Variants in FBXW10B observed in about 807,000 individuals in gnomAD.
FBXW10B encodes F-box and WD repeat domain containing protein 10B.
At chr17:15,607,589 C>T in the FBXW10B span, 50 of 1,613,440 alleles carry the variant, frequency 3.1e-5, no homozygotes, top group East Asian at 7.4e-4. Context: ...AGAGAGAATG[C>T]GAACATTGTA....
the FBXW10B span, chr17:15,588,723 A>C: frequency 1.4e-6 from 1 of 725,336 alleles, no homozygotes; most frequent in Non-Finnish European, 2.4e-6. Flanking sequence ...CCCCATATCC[A>C]GGAATCAGCC....
chr17:15,572,476 T>C, the FBXW10B span: 2 of 152,248 alleles, frequency 1.3e-5, no homozygotes, highest in African/African-American at 2.4e-5. Flanking sequence ...GATGTTACAC[T>C]CTGTGCTAAA....
the FBXW10B span, among the ~76,000 whole-genome samples, chr17:15,602,304 T>C: frequency 6.6e-6 from 1 of 152,090 alleles, no homozygotes; most frequent in African/African-American, 2.4e-5. Flanking sequence ...AATTTCCATG[T>C]GATAAAGATA....
the FBXW10B span, among the ~76,000 whole-genome samples, chr17:15,606,347 G>A: frequency 3.5e-5 from 5 of 143,604 alleles, no homozygotes; most frequent in East Asian, 2.1e-4. Flanking sequence ...ACCAGAGAAC[G>A]AAACCCCGTC....
the FBXW10B span, among the ~76,000 whole-genome samples, chr17:15,608,039 G>A: frequency 1.3e-5 from 2 of 151,486 alleles, no homozygotes; most frequent in African/African-American, 2.4e-5. Context: ...CCCTTTGACC[G>A]ACCATTTCAC....
the FBXW10B span, among the ~76,000 whole-genome samples, chr17:15,609,798 T>A: frequency 1.3e-5 from 2 of 151,582 alleles, no homozygotes; most frequent in African/African-American, 2.4e-5. Context: ...GTGTTCTCCA[T>A]ACTGTTTCAC....
At chr17:15,610,643 T>C in the FBXW10B span, among the ~76,000 whole-genome samples, 12 of 152,278 alleles carry the variant, frequency 7.9e-5, no homozygotes, top group South Asian at 2.1e-3. Flanking sequence ...TTAGAAGAGA[T>C]TTCCTTGAAA....
At chr17:15,588,575 A>G in the FBXW10B span, 1 of 347,242 alleles carries the variant, frequency 2.9e-6, no homozygotes, top group Admixed American at 4.0e-5. Flanking sequence ...AGGAAGGGAC[A>G]GAACCTATAT....
chr17:15,590,098 C>A, the FBXW10B span, among the ~76,000 whole-genome samples: 1 of 150,616 alleles, frequency 6.6e-6, no homozygotes, highest in East Asian at 2.0e-4. Context: ...GGGAGCCCGA[C>A]CCCACCGCTC....
At chr17:15,619,276 G>A in the FBXW10B span, 3 of 1,613,754 alleles carry the variant, frequency 1.9e-6, no homozygotes, top group Non-Finnish European at 2.5e-6. Flanking sequence ...TTCCCTGTGT[G>A]GTCTGAAGGA....
At chr17:15,568,448 T>C in the FBXW10B span, among the ~76,000 whole-genome samples, 1 of 152,176 alleles carries the variant, frequency 6.6e-6, no homozygotes, top group Non-Finnish European at 1.5e-5. Context: ...AAGGATTACT[T>C]CTCAGGGAAT....
At chr17:15,596,368 G>A in the FBXW10B span, 3 of 1,204,004 alleles carry the variant, frequency 2.5e-6, no homozygotes, top group East Asian at 2.5e-5. Flanking sequence ...GCCTCACTTT[G>A]GGGCCTTCCC....
At chr17:15,569,455 C>CTTTTTTTTTTTTTTTTTTTTTTTTTTT in the FBXW10B span, among the ~76,000 whole-genome samples, 4 of 59,192 alleles carry the variant, frequency 6.8e-5, no homozygotes, top group Non-Finnish European at 5.8e-5. Flanking sequence ...TTTTCTTTTT[C>CTTTTTTTTTTTTTTTTTTTTTTTTTTT]TTTTTTTTTT....
the FBXW10B span, chr17:15,607,587 T>C: frequency 6.2e-7 from 1 of 1,613,676 alleles, no homozygotes; most frequent in South Asian, 1.1e-5. Context: ...TCAGAGAGAA[T>C]GCGAACATTG....
chr17:15,582,194 A>C, the FBXW10B span, among the ~76,000 whole-genome samples: 1 of 147,460 alleles, frequency 6.8e-6, no homozygotes, highest in East Asian at 2.1e-4. Flanking sequence ...GAATGGTATG[A>C]TTAAGAGAAA....
the FBXW10B span, among the ~76,000 whole-genome samples, chr17:15,614,364 A>G: frequency 7.1e-3 from 1,030 of 145,136 alleles, 8 homozygotes; most frequent in Non-Finnish European, 0.01. Flanking sequence ...AATTTTTTGT[A>G]TTTTTTTTTT....
At chr17:15,575,570 C>T in the FBXW10B span, among the ~76,000 whole-genome samples, 1 of 147,340 alleles carries the variant, frequency 6.8e-6, no homozygotes, top group Non-Finnish European at 1.5e-5. Context: ...TCTGTACTTT[C>T]ACTGCATTTT....
chr17:15,577,478 T>C, the FBXW10B span, among the ~76,000 whole-genome samples: 1 of 152,220 alleles, frequency 6.6e-6, no homozygotes, highest in Non-Finnish European at 1.5e-5. Context: ...GATGAAGGAT[T>C]CTTCTGTTCT....
the FBXW10B span, chr17:15,613,721 A>G: frequency 6.2e-7 from 1 of 1,612,484 alleles, no homozygotes; most frequent in East Asian, 2.2e-5. Context: ...GCACTTGTTC[A>G]GGGTGTGTCT....
Sources: allele counts gnomAD v4.1 joint callset (sites outside exome capture counted in the v4.1 genomes callset), GRCh38; gene constraint gnomAD v4.1.1; transcripts MANE v1.5; gene names NCBI Gene and HGNC (gene_info 2026-07-23, HGNC 2026-07-21).